Variants in STAT1 observed in about 807,000 individuals in gnomAD.
STAT1 encodes the protein signal transducer and activator of transcription 1-alpha/beta.
Under a neutral mutation model 111.7 loss-of-function variants are expected in STAT1, and 24 were observed. The ratio of observed to expected loss-of-function variants is 0.21; its 90% CI spans 0.16 to 0.30. The LOEUF is 0.30. STAT1 is among the 10% of genes least tolerant of loss of function. STAT1 has a pLI of 1.00. For missense variants in STAT1, 351 were observed against 911.9 expected, an observed-to-expected ratio of 0.38 and a Z score of 7.92; for synonymous variants, 332 against 326.5, an observed-to-expected ratio of 1.02 and a Z score of -0.18.
rs547162070 is a variant in STAT1, at chr2:190,984,849, T to C, written c.1264-456A>G. Among the ~76,000 whole-genome samples, 3 of 152,204 alleles carry C rather than the reference T, an allele frequency of 2.0e-5. No individual in the cohort carries two copies. The highest frequency in any genetic ancestry group is 2.9e-5 in the Non-Finnish European group (2 of 68,024). On this transcript the variant is annotated intron_variant, in intron 15 of 24. Transcript: ENST00000361099. This position sits in a 1 kb window ranked among gnomAD's most constrained non-coding sequence, Gnocchi z 5.2. ...TTGTCTTGGTTTCGGTAGAAATGGATAGATTTCAAAGTGCCTTCATAAGCA... is the reference window on the plus strand; with the variant it reads ...TTGTCTTGGTTTCGGTAGAAATGGACAGATTTCAAAGTGCCTTCATAAGCA...
At position 190,983,600 on chromosome 2, in the gene STAT1, C is replaced by G; in HGVS notation, c.1446+42G>C. 2 of 1,569,692 alleles carry G rather than the reference C, an allele frequency of 1.3e-6. No individual in the cohort carries two copies. The highest frequency in any genetic ancestry group is 1.8e-6 in the Non-Finnish European group (2 of 1,139,660). ...AGATGCAGCAGTGAGAGCGTGGGGT[C>G]TCTGCTTAACCCTGGGACCAAAGCA... On this transcript the variant is annotated intron_variant, in intron 17 of 24. Coordinates refer to ENST00000361099, the MANE Select transcript of STAT1 (RefSeq NM_007315.4). The surrounding 1 kb of genome is among the most constrained non-coding windows in gnomAD (Gnocchi z 5.7).
intron 2 of STAT1, 118 bp from the exon 3 acceptor site, chr2:191,010,122 G>T (rs2125103970): frequency 8.3e-7 from 1 of 1,203,956 alleles, no homozygotes; most frequent in Non-Finnish European, 1.2e-6. Context: ...AACATAGTTT[G>T]TCCCAGGAAT....
Position 190,980,814 on chromosome 2 carries a change from C to T in STAT1, c.1583-145G>A. The T allele has an allele frequency of 1.3e-6, 1 of 799,666 alleles. No individual in the cohort carries two copies. The highest frequency in any genetic ancestry group is 2.2e-6 in the Non-Finnish European group (1 of 463,064). The allele number at this position is 799,666 out of a possible 1,614,324, so 49.5% of individuals were successfully genotyped here. A position where few individuals can be genotyped will look rare whatever the true frequency, so the allele number is the denominator to read the frequency against. ...TGTACACAGTTGACATTTTCGGATA[C>T]CTTAATGCCAAATTAACTGAGCAAT... On this transcript the variant is annotated intron_variant, in intron 18 of 24. Transcript: ENST00000361099. This position sits in a 1 kb window ranked among gnomAD's most constrained non-coding sequence, Gnocchi z 6.1.
chr2:191,008,430 A>G (rs1694869770), intron 4 of STAT1, among the ~76,000 whole-genome samples: 1 of 152,198 alleles, frequency 6.6e-6, no homozygotes, highest in Non-Finnish European at 1.5e-5. Context: ...ATGTTCTCTC[A>G]TGTCTGGATC....
chr2:191,005,444 T>C (rs1694613940), intron 5 of STAT1, among the ~76,000 whole-genome samples: 2 of 152,228 alleles, frequency 1.3e-5, no homozygotes, highest in South Asian at 4.1e-4. Flanking sequence ...CCACCTTTTA[T>C]CTTTTACACA....
Position 191,007,718 on chromosome 2 carries a change from GTGTAT to G in STAT1, c.274-62_274-58del, listed in dbSNP as rs1574671317. 33 of 1,272,702 alleles carry G rather than the reference GTGTAT, an allele frequency of 2.6e-5. No homozygotes were observed. The East Asian group carries it at 7.4e-4, about 29-fold the overall frequency. The allele number at this position is 1,272,702 out of a possible 1,614,324, so 78.8% of individuals were successfully genotyped here. Reference sequence around the variant, plus strand: ...TAAAATGCAGAATGTTTACTTTATTGTGTATTGTAAGTTGATATGAATTTGTTTAT... The same window carrying G: ...TAAAATGCAGAATGTTTACTTTATTGTGTAAGTTGATATGAATTTGTTTAT... On this transcript the variant is annotated intron_variant, in intron 4 of 24. Coordinates refer to ENST00000361099, the MANE Select transcript of STAT1 (RefSeq NM_007315.4). This position sits in a 1 kb window ranked among gnomAD's most constrained non-coding sequence, Gnocchi z 4.2.
rs1559007777 is a variant in STAT1, at chr2:190,980,316, A to G, written c.1632+304T>C. Among the ~76,000 whole-genome samples the G allele has an allele frequency of 6.6e-6, 1 of 152,228 alleles. No individual in the cohort carries two copies. Among genetic ancestry groups the G allele is most frequent in the African/African-American group, 2.4e-5 (1 of 41,466 alleles). On this transcript the variant is annotated intron_variant, in intron 19 of 24. Coordinates refer to ENST00000361099, the MANE Select transcript of STAT1 (RefSeq NM_007315.4). This position sits in a 1 kb window ranked among gnomAD's most constrained non-coding sequence, Gnocchi z 6.1. The stretch of plus-strand genomic sequence containing the variant: ...GTCAGGCTGCGCCACCCAGCCCACA[A>G]CATACATTTCACACAGAAATGGCTA...
Position 190,970,823 on chromosome 2 carries a change from T to C in STAT1, c.2239-106A>G. On this transcript the variant is annotated intron_variant, in intron 24 of 24. Coordinates refer to ENST00000361099, the MANE Select transcript of STAT1 (RefSeq NM_007315.4). The surrounding 1 kb of genome is among the most constrained non-coding windows in gnomAD (Gnocchi z 5.4). The stretch of plus-strand genomic sequence containing the variant: ...ATTCTAGAATGAAGTAGTAGGAAGA[T>C]ACTTGCAATGGCAAATAAATACCGT... The C allele has an allele frequency of 4.6e-6, 5 of 1,090,302 alleles. No individual in the cohort carries two copies. The highest frequency in any genetic ancestry group is 7.0e-6 in the Non-Finnish European group (5 of 714,774). The allele number at this position is 1,090,302 out of a possible 1,614,324, so 67.5% of individuals were successfully genotyped here.
Position 190,973,818 on chromosome 2 carries a change from G to A in STAT1, c.2238+1012C>T, listed in dbSNP as rs150785143. On this transcript the variant is annotated intron_variant, in intron 24 of 24. Coordinates refer to ENST00000361099, the MANE Select transcript of STAT1 (RefSeq NM_007315.4). The surrounding 1 kb of genome is among the most constrained non-coding windows in gnomAD (Gnocchi z 4.4). The stretch of plus-strand genomic sequence containing the variant: ...GTACAATCTCTAATGATTGTAGCCC[G>A]TGCTTAAGGTGAGGAAAAAAGTCAA... Among the ~76,000 whole-genome samples the A allele has an allele frequency of 3.1e-3, 465 of 152,216 alleles. 5 individuals are homozygous for A. The highest frequency in any genetic ancestry group is 0.01 in the African/African-American group (429 of 41,522).
At position 190,976,739 on chromosome 2, in the gene STAT1, C is replaced by G. The variant is rs1691933889; in HGVS notation, c.2059+101G>C. On this transcript the variant is annotated intron_variant, in intron 22 of 24. Transcript: ENST00000361099. The surrounding 1 kb of genome is among the most constrained non-coding windows in gnomAD (Gnocchi z 6.0). ...CCATCTTTTGAAAGCCTACTCTTAC[C>G]AATTCGAAAGCAAAACACTGCATGG... 3 of 1,042,854 alleles carry G rather than the reference C, an allele frequency of 2.9e-6. No individual in the cohort carries two copies. Among genetic ancestry groups the G allele is most frequent in the Non-Finnish European group, 4.5e-6 (3 of 670,346 alleles). 64.6% of individuals were successfully genotyped at this position (1,042,854 alleles called of 1,614,324 possible).
chr2:191,009,375 C>T (rs1023732396), intron 3 of STAT1, among the ~76,000 whole-genome samples: 1 of 152,156 alleles, frequency 6.6e-6, no homozygotes, highest in Non-Finnish European at 1.5e-5. Context: ...GAAAAGTCAA[C>T]AGGGGACCCT....
Position 190,979,757 on chromosome 2 carries a change from A to G in STAT1, c.1727+15T>C, listed in dbSNP as rs1268997242. ...TAAAAATATGTTTCAAAATACATCT[A>G]TCGGTGGCCCTTACCCATCATTCCA... On this transcript the variant is annotated intron_variant, in intron 20 of 24. Coordinates refer to ENST00000361099, the MANE Select transcript of STAT1 (RefSeq NM_007315.4). The surrounding 1 kb of genome is among the most constrained non-coding windows in gnomAD (Gnocchi z 5.8). 2 of 1,589,900 alleles carry G rather than the reference A, an allele frequency of 1.3e-6. No individual in the cohort carries two copies. The highest frequency in any genetic ancestry group is 1.3e-5 in the African/African-American group (1 of 74,414).
rs1170571715 is a variant in STAT1, at chr2:190,980,404, T to A, written c.1632+216A>T. ...AAGCCTCATTTCAGATATGAAAGAA[T>A]GTTATCACTCAGGCAGGTGCTTCCT... On this transcript the variant is annotated intron_variant, in intron 19 of 24. Coordinates refer to ENST00000361099, the MANE Select transcript of STAT1 (RefSeq NM_007315.4). This position sits in a 1 kb window ranked among gnomAD's most constrained non-coding sequence, Gnocchi z 6.1. 6.6e-6 allele frequency among the ~76,000 whole-genome samples: 1 copy of A among 152,242 alleles called. No homozygotes were observed. The highest frequency in any genetic ancestry group is 1.5e-5 in the Non-Finnish European group (1 of 68,040).
At chr2:191,010,243 A>T (rs545067667) in intron 2 of STAT1, 3 of 505,402 alleles carry the variant, frequency 5.9e-6, no homozygotes, top group Non-Finnish European at 1.1e-5. Flanking sequence ...TATTGTCAAC[A>T]TATCAGGGCA....
rs2125075429 is a variant in STAT1, at chr2:190,999,762, G to C, written c.463-58C>G. The stretch of plus-strand genomic sequence containing the variant: ...GATCAGCAACTTCCAAAGACTTTAG[G>C]CAACAGAGTATTGCTTCTATGGAAC... On this transcript the variant is annotated intron_variant, in intron 6 of 24. Coordinates refer to ENST00000361099, the MANE Select transcript of STAT1 (RefSeq NM_007315.4). The surrounding 1 kb of genome is among the most constrained non-coding windows in gnomAD (Gnocchi z 4.1). 8.0e-7 allele frequency: 1 copy of C among 1,254,632 alleles called. No homozygotes were observed. The highest frequency in any genetic ancestry group is 1.7e-5 in the Admixed American group (1 of 58,064). 77.7% of individuals were successfully genotyped at this position (1,254,632 alleles called of 1,614,324 possible). A position where few individuals can be genotyped will look rare whatever the true frequency, so the allele number is the denominator to read the frequency against.
chr2:190,975,684 C>G lies in STAT1; in HGVS notation c.2135+128G>C, dbSNP rs554936429. On this transcript the variant is annotated intron_variant, in intron 23 of 24. Transcript: ENST00000361099. The surrounding 1 kb of genome is among the most constrained non-coding windows in gnomAD (Gnocchi z 5.9). ...ATAGGCAGTAACACGGGGATCTCAACAAGTTCAGCTGTGATGGCGATAGCA... is the reference window on the plus strand; with the variant it reads ...ATAGGCAGTAACACGGGGATCTCAAGAAGTTCAGCTGTGATGGCGATAGCA... 6.6e-7 allele frequency: 1 copy of G among 1,508,344 alleles called. No individual in the cohort carries two copies. The highest frequency in any genetic ancestry group is 2.0e-5 in the Admixed American group (1 of 49,374). 93.4% of individuals were successfully genotyped at this position (1,508,344 alleles called of 1,614,324 possible).
Position 190,993,160 on chromosome 2 carries a change from G to A in STAT1, c.945-1840C>T. 2.1e-6 allele frequency: 1 copy of A among 473,204 alleles called. No individual in the cohort carries two copies. Among genetic ancestry groups the A allele is most frequent in the Non-Finnish European group, 4.0e-6 (1 of 251,708 alleles). 29.3% of individuals were successfully genotyped at this position (473,204 alleles called of 1,614,324 possible). A position where few individuals can be genotyped will look rare whatever the true frequency, so the allele number is the denominator to read the frequency against. On this transcript the variant is annotated intron_variant, in intron 10 of 24. Transcript: ENST00000361099. This position sits in a 1 kb window ranked among gnomAD's most constrained non-coding sequence, Gnocchi z 4.1. ...AATCAGCAAATTCCTTGGCTGTTGT[G>A]TAGTCTACTACTTTCTCTGTGGTCA...
At position 190,980,373 on chromosome 2, in the gene STAT1, G is replaced by A. The variant is rs1388267667; in HGVS notation, c.1632+247C>T. ...TGCTGGGCAGGGGTCCAGCGTGAGT[G>A]AACAGAAGCCTCATTTCAGATATGA... On this transcript the variant is annotated intron_variant, in intron 19 of 24. Transcript: ENST00000361099. The surrounding 1 kb of genome is among the most constrained non-coding windows in gnomAD (Gnocchi z 6.1). Among the ~76,000 whole-genome samples, 1 of 152,236 alleles carries A rather than the reference G, an allele frequency of 6.6e-6. No individual in the cohort carries two copies. The highest frequency in any genetic ancestry group is 1.5e-5 in the Non-Finnish European group (1 of 68,042).
At position 190,996,453 on chromosome 2, in the gene STAT1, C is replaced by T. The variant is rs45581732; in HGVS notation, c.786-1234G>A. Among the ~76,000 whole-genome samples, 2,424 of 152,308 alleles carry T rather than the reference C, an allele frequency of 0.016. 67 individuals carry two copies. Among genetic ancestry groups the T allele is most frequent in the African/African-American group, 0.055 (2,270 of 41,550 alleles). ...AGCTAAACCAGTGTCCCCAACTCTG[C>T]TTGCACACAGAGAAAATGACAGCAC... On this transcript the variant is annotated intron_variant, in intron 9 of 24. Transcript: ENST00000361099. This position sits in a 1 kb window ranked among gnomAD's most constrained non-coding sequence, Gnocchi z 4.5.
Sources: allele counts gnomAD v4.1 joint callset (sites outside exome capture counted in the v4.1 genomes callset), GRCh38; gene constraint gnomAD v4.1.1; non-coding constraint Gnocchi (gnomAD v3.1); transcripts MANE v1.5; gene names NCBI Gene and HGNC (gene_info 2026-07-23, HGNC 2026-07-21).